Variants in GLYAT observed in about 807,000 individuals in gnomAD.
GLYAT encodes the protein glycine-N-acyltransferase.
In GLYAT, 25 loss-of-function variants were observed where a neutral mutation model predicts 22.8. That is an observed-to-expected ratio of 1.09 (90% CI 0.80 to 1.53). The LOEUF (loss-of-function observed/expected upper bound fraction) is 1.53, where lower values mean the gene tolerates loss of function less well. Ranked by LOEUF, GLYAT falls within the 40% of genes most tolerant of loss-of-function variation. GLYAT has a pLI of 0.00. For missense variants in GLYAT, 411 were observed against 353.9 expected (o/e 1.16, Z -1.29); for synonymous variants, 140 against 122.7 (o/e 1.14, Z -0.93).
At chr11:58,720,511 C>T (rs1280964694) in intron 2 of GLYAT, among the ~76,000 whole-genome samples, 1 of 152,004 alleles carries the variant, frequency 6.6e-6, no homozygotes, top group East Asian at 1.9e-4. Context: ...TGTCCTCATT[C>T]ATTCCTGGAC....
At position 58,728,920 on chromosome 11, in the gene GLYAT, A is replaced by AGGAT. The variant is rs1374792694; in HGVS notation, c.-16+2914_-16+2915insATCC. ...AAGGAAGGAAGGAAGGAAGGAAGGA[A>AGGAT]GGAAGGAAGGAAGGAAGGAAGGAAG... On this transcript the variant is annotated intron_variant, in intron 1 of 5. Transcript: ENST00000344743. 3.3e-5 allele frequency among the ~76,000 whole-genome samples: 5 copies of AGGAT among 149,736 alleles called. No homozygotes were observed. In the East Asian group the frequency reaches 9.8e-4, roughly 29 times the overall value.
rs146857750 is a variant in GLYAT, at chr11:58,730,332, G to A, written c.-16+1503C>T. ...CTCTACAAAAATAAAAATTAGTTGG[G>A]TATGGTGACACACACCTGTAGCCCT... On this transcript the variant is annotated intron_variant, in intron 1 of 5. Transcript: ENST00000344743. Among the ~76,000 whole-genome samples, 367 of 152,172 alleles carry A rather than the reference G, an allele frequency of 2.4e-3. 7 individuals carry two copies. The South Asian group carries it at 0.035, about 14-fold the overall frequency.
At chr11:58,715,133 T>C (rs1280120084) in intron 3 of GLYAT, among the ~76,000 whole-genome samples, 183 bp downstream of exon 3, 3 of 152,138 alleles carry the variant, frequency 2.0e-5, no homozygotes, top group Non-Finnish European at 4.4e-5. Flanking sequence ...TCTGTTCTTG[T>C]ATACTTCACA....
chr11:58,712,886 C>A lies in GLYAT; in HGVS notation c.190G>T (p.Asp64Tyr). Residue 64 changes from aspartate to tyrosine, a missense_variant and splice_region_variant, in exon 4 of 6, where the codon GAT (aspartate) becomes TAT (tyrosine). Physicochemically the swap from Asp to Tyr is radical, Grantham distance 160. Transcript: ENST00000344743. ...NTVVVCPQEQDMTDDLDHYTN... is the reference protein window; with the variant it reads ...NTVVVCPQEQYMTDDLDHYTN... ...TAGTGATCAAGGTCATCTGTCATATCCTGTTATCATTAGGAAAAAGGAAAT... is the reference window on the plus strand; with the variant it reads ...TAGTGATCAAGGTCATCTGTCATATACTGTTATCATTAGGAAAAAGGAAAT... 8 of 1,586,748 alleles carry A rather than the reference C, an allele frequency of 5.0e-6. No individual in the cohort carries two copies. The highest frequency in any genetic ancestry group is 6.9e-6 in the Non-Finnish European group (8 of 1,158,090).
At chr11:58,711,691 T>C (rs561330141) in intron 4 of GLYAT, among the ~76,000 whole-genome samples, 11 of 152,140 alleles carry the variant, frequency 7.2e-5, no homozygotes, top group African/African-American at 2.4e-4. Context: ...ACATTCCTAG[T>C]GTAATAATAT....
At chr11:58,713,877 C>A (rs522568) in intron 3 of GLYAT, among the ~76,000 whole-genome samples, 102,862 of 151,948 alleles carry the variant, frequency 0.68, 36,776 homozygotes, top group Middle Eastern at 0.87. Flanking sequence ...TAAATTTATT[C>A]ATTTCATATA....
chr11:58,724,192 T>C (rs1298622460), intron 2 of GLYAT: 1 of 445,800 alleles, frequency 2.2e-6, no homozygotes, highest in East Asian at 3.4e-5. Context: ...TGCAACTCAG[T>C]ATTTGTGATA....
intron 1 of GLYAT, among the ~76,000 whole-genome samples, chr11:58,727,055 G>A (rs1190318906): frequency 1.3e-5 from 2 of 152,060 alleles, no homozygotes; most frequent in African/African-American, 2.4e-5. Flanking sequence ...CTATGCAGGA[G>A]GACAAACTGT....
chr11:58,713,643 G>A (rs1443918284), intron 3 of GLYAT, among the ~76,000 whole-genome samples: 4 of 152,194 alleles, frequency 2.6e-5, no homozygotes, highest in Non-Finnish European at 5.9e-5. Context: ...CACGGAAAGA[G>A]CTTCTCAAAT....
chr11:58,710,159 C>T lies in GLYAT; in HGVS notation c.498G>A (p.Glu166=), dbSNP rs1160126701. ...CATCCATGGATGAGAGTTTAAACAT[C>T]TCTTGGTTGCTATGGAGGGTCCAAG... ...NGGKPKAINQ[E]MFKLSSMDVT... is the part of the protein sequence containing the mutation. Residue 166 remains glutamate, a synonymous_variant, in exon 6 of 6, where the codon GAG becomes GAA. Coordinates refer to ENST00000344743, the MANE Select transcript of GLYAT (RefSeq NM_201648.3). The T allele has an allele frequency of 1.2e-6, 2 of 1,611,388 alleles. No homozygotes were observed. The highest frequency in any genetic ancestry group is 1.7e-5 in the Admixed American group (1 of 59,854).
At chr11:58,719,559 C>G (rs1856724135) in intron 2 of GLYAT, among the ~76,000 whole-genome samples, 1 of 151,852 alleles carries the variant, frequency 6.6e-6, no homozygotes, top group African/African-American at 2.4e-5. Flanking sequence ...TCTTACATGC[C>G]CAACTCCTCC....
rs948771750 is a variant in GLYAT at position 58,717,249 on chromosome 11, G to A, written c.82-1826C>T. On this transcript the variant is annotated intron_variant, in intron 2 of 5. Transcript: ENST00000344743. The stretch of plus-strand genomic sequence containing the variant: ...CATTTAATGTCTTACGGCTAGGACA[G>A]TTTATTTCTAGATGGGTAGGTCCCA... 3.3e-5 allele frequency among the ~76,000 whole-genome samples: 5 copies of A among 152,076 alleles called. 1 individual carries two copies. The highest frequency in any genetic ancestry group is 1.2e-4 in the African/African-American group (5 of 41,438).
chr11:58,727,176 A>G (rs1190052787), intron 1 of GLYAT, among the ~76,000 whole-genome samples: 1 of 152,120 alleles, frequency 6.6e-6, no homozygotes, highest in African/African-American at 2.4e-5. Context: ...TTTTTTGGCA[A>G]TGTACCAACA....
chr11:58,710,901 C>G, intron 4 of GLYAT, 140 bp from the exon 5 acceptor site: 1 of 556,560 alleles, frequency 1.8e-6, no homozygotes, highest in Non-Finnish European at 3.2e-6. Context: ...TGACCCATGT[C>G]AATAGTAATT....
chr11:58,729,232 C>G (rs1856847268), intron 1 of GLYAT, among the ~76,000 whole-genome samples: 1 of 152,144 alleles, frequency 6.6e-6, no homozygotes, highest in Non-Finnish European at 1.5e-5. Flanking sequence ...GTTCTGCCTT[C>G]TAAATTAGGC....
rs779541807 is a variant in GLYAT at position 58,709,751 on chromosome 11, T to C, written c.*15A>G. ...CCCAGACCTGCCCAACACTGTCTTA[T>C]GTTCAGGATTGGCATCACAGAGGTA... On this transcript the variant is annotated 3_prime_UTR_variant, in exon 6 of 6. Coordinates refer to ENST00000344743, the MANE Select transcript of GLYAT (RefSeq NM_201648.3). The C allele has an allele frequency of 3.1e-6, 5 of 1,595,346 alleles. No homozygotes were observed. The highest frequency in any genetic ancestry group is 1.3e-5 in the African/African-American group (1 of 74,518).
Position 58,728,889 on chromosome 11 carries a change from A to AGAAAGAAAGAAAGAAG in GLYAT, c.-16+2945_-16+2946insCTTCTTTCTTTCTTTC, listed in dbSNP as rs1310407303. ...AAGAAAGAAAGAAAGAAAGAAAGAAAGAAGGAAGGAAGGAAGGAAGGAAGG... is the reference window on the plus strand; with the variant it reads ...AAGAAAGAAAGAAAGAAAGAAAGAAAGAAAGAAAGAAAGAAGGAAGGAAGGAAGGAAGGAAGGAAGG... On this transcript the variant is annotated intron_variant, in intron 1 of 5. Transcript: ENST00000344743. 3.1e-3 allele frequency among the ~76,000 whole-genome samples: 309 copies of AGAAAGAAAGAAAGAAG among 101,258 alleles called. 2 individuals are homozygous for AGAAAGAAAGAAAGAAG. The highest frequency in any genetic ancestry group is 9.6e-3 in the Middle Eastern group (2 of 208). 66.4% of individuals were successfully genotyped at this position (101,258 alleles called of 152,430 possible). A position where few individuals can be genotyped will look rare whatever the true frequency, so the allele number is the denominator to read the frequency against.
In GLYAT at chr11:58,713,533, A is replaced by T. The variant is rs184209899; in HGVS notation, c.190-647T>A. ...TGACCATGGCAGTATGAAACTTGATATTGATACCAAAGAAGATTAAAAACT... is the reference window on the plus strand; with the variant it reads ...TGACCATGGCAGTATGAAACTTGATTTTGATACCAAAGAAGATTAAAAACT... On this transcript the variant is annotated intron_variant, in intron 3 of 5. Coordinates refer to ENST00000344743, the MANE Select transcript of GLYAT (RefSeq NM_201648.3). Among the ~76,000 whole-genome samples, 4 of 152,272 alleles carry T rather than the reference A, an allele frequency of 2.6e-5. No individual in the cohort carries two copies. In the East Asian group the frequency reaches 7.7e-4, roughly 29 times the overall value.
intron 2 of GLYAT, among the ~76,000 whole-genome samples, chr11:58,718,813 G>A (rs566377360): frequency 7.2e-5 from 11 of 151,934 alleles, no homozygotes; most frequent in Non-Finnish European, 1.5e-4. Flanking sequence ...AAGGTTTAAG[G>A]CAGCCATTGT....
Sources: gnomAD v4.1 joint callset for allele counts (sites outside exome capture counted in the v4.1 genomes callset) on GRCh38, gnomAD v4.1.1 for gene constraint, MANE v1.5 for transcripts, NCBI Gene and HGNC (gene_info 2026-07-23, HGNC 2026-07-21) for gene names.